The following DMXL1 variants were observed in gnomAD, a reference collection of about 807,000 sequenced individuals.
The protein encoded by DMXL1 is Dmx like 1, also known as dmX-like protein 1.
In DMXL1, 99 loss-of-function variants were observed where a neutral mutation model predicts 319.2. The observed-to-expected ratio is 0.31, with a 90% CI of 0.26 to 0.37. The LOEUF (loss-of-function observed/expected upper bound fraction) is 0.37, where lower values mean the gene tolerates loss of function less well. DMXL1 is among the 10% of genes least tolerant of loss of function. The probability of loss-of-function intolerance (pLI) is 1.00; values close to 1 mark genes in which losing one functional copy is unlikely to be tolerated. For synonymous variants in DMXL1, 1,385 were observed against 1,235.2 expected, an observed-to-expected ratio of 1.12 and a Z score of -2.54; for missense variants, 3,745 against 3,595.6, an observed-to-expected ratio of 1.04 and a Z score of -1.06.
At chr5:119,099,656 T>G (rs149745542) in intron 2 of DMXL1, among the ~76,000 whole-genome samples, 10 of 152,300 alleles carry the variant, frequency 6.6e-5, no homozygotes, top group African/African-American at 2.4e-4. Context: ...TTTAATACTT[T>G]CCAATATGAG....
intron 23 of DMXL1, among the ~76,000 whole-genome samples, chr5:119,169,640 G>T (rs1174941306): frequency 6.6e-6 from 1 of 152,182 alleles, no homozygotes; most frequent in East Asian, 1.9e-4. Flanking sequence ...ATACACATAA[G>T]TAAAAATGAA....
chr5:119,164,717 T>C (rs749200509), intron 20 of DMXL1, 41 bp downstream of exon 20: 1 of 1,524,182 alleles, frequency 6.6e-7, no homozygotes, highest in South Asian at 1.3e-5. Flanking sequence ...TTAATATTTT[T>C]TGGACGTTTC....
rs1763656510 is a variant in DMXL1, at chr5:119,126,700, C to CTGA, written c.1103-2508_1103-2506dup. The CTGA allele has an allele frequency of 2.0e-5, 3 of 153,100 alleles. No homozygotes were observed. The Admixed American group carries it at 2.0e-4, about 10-fold the overall frequency. 9.5% of individuals were successfully genotyped at this position (153,100 alleles called of 1,614,324 possible). On this transcript the variant is annotated intron_variant, in intron 9 of 43. Transcript: ENST00000539542. ...ATTGATTAGACAGATTCATCTAACA[C>CTGA]TGATGTCCAAGCTGGCGTTGGCAAC...
chr5:119,205,713 A>C (rs1237836056), intron 33 of DMXL1, among the ~76,000 whole-genome samples: 1 of 152,084 alleles, frequency 6.6e-6, no homozygotes, highest in East Asian at 1.9e-4. Flanking sequence ...GAGAATATGA[A>C]AAGAAAAATG....
rs191096010 is a variant in DMXL1 at position 119,212,809 on chromosome 5, C to G, written c.7927-4092C>G. ...GGCCTTTAACAAATAAAATTACATT[C>G]ATAGCACATGCAAGTTCTGTCTCTA... On this transcript the variant is annotated intron_variant, in intron 34 of 43. Transcript: ENST00000539542. Among the ~76,000 whole-genome samples the G allele has an allele frequency of 7.2e-5, 11 of 152,146 alleles. No individual in the cohort carries two copies. In the East Asian group the frequency reaches 2.1e-3, roughly 29 times the overall value.
intron 26 of DMXL1, among the ~76,000 whole-genome samples, chr5:119,176,291 T>G (rs1251932291): frequency 6.6e-6 from 1 of 152,030 alleles, no homozygotes; most frequent in African/African-American, 2.4e-5. Flanking sequence ...TTTGTTGAGT[T>G]TGTTATTTCT....
intron 41 of DMXL1, 26 bp downstream of exon 41, chr5:119,239,106 G>A (rs1466205662): frequency 6.2e-7 from 1 of 1,609,668 alleles, no homozygotes; most frequent in South Asian, 1.1e-5. Context: ...TAAAATTGAA[G>A]TATGAGAAAG....
intron 16 of DMXL1, 86 bp from the exon 17 acceptor site, chr5:119,147,163 G>A (rs1044670183): frequency 8.2e-7 from 1 of 1,226,374 alleles, no homozygotes; most frequent in African/African-American, 1.5e-5. Context: ...CTTTTACAAG[G>A]CAGTTTTGGA....
intron 37 of DMXL1, among the ~76,000 whole-genome samples, chr5:119,222,087 C>A (rs939890080): frequency 6.6e-6 from 1 of 152,044 alleles, no homozygotes; most frequent in African/African-American, 2.4e-5. Context: ...AGCAATTGTT[C>A]AAGTAAAATC....
chr5:119,218,490 T>C (rs1306450223), intron 35 of DMXL1, among the ~76,000 whole-genome samples: 1 of 152,196 alleles, frequency 6.6e-6, no homozygotes, highest in African/African-American at 2.4e-5. Context: ...GGAGTCTCGC[T>C]CTGTTGCCCA....
intron 21 of DMXL1, 120 bp downstream of exon 21, chr5:119,165,400 T>G (rs1773208860): frequency 1.7e-6 from 1 of 572,186 alleles, no homozygotes; most frequent in African/African-American, 1.9e-5. Context: ...TTCTTAGTTG[T>G]TTTATATTTA....
At chr5:119,231,137 G>T (rs1403657162) in intron 38 of DMXL1, among the ~76,000 whole-genome samples, 1 of 152,050 alleles carries the variant, frequency 6.6e-6, no homozygotes, top group East Asian at 1.9e-4. Flanking sequence ...CTTTTATTTA[G>T]TGCTTCCTGT....
At position 119,081,660 on chromosome 5, in the gene DMXL1, T is replaced by C. The variant is rs938513569; in HGVS notation, c.87+10004T>C. On this transcript the variant is annotated intron_variant, in intron 1 of 43. Coordinates refer to ENST00000539542, the MANE Select transcript of DMXL1 (RefSeq NM_001290321.3). ...AGATATAGAGCCGCAGAAACAAAGA[T>C]TGAAGACCAACTTAGACTTTACCAA... 3 of 985,256 alleles carry C rather than the reference T, an allele frequency of 3.0e-6. No individual in the cohort carries two copies. The African/African-American group carries it at 5.2e-5, about 17-fold the overall frequency. 61.0% of individuals were successfully genotyped at this position (985,256 alleles called of 1,614,324 possible). A position where few individuals can be genotyped will look rare whatever the true frequency, so the allele number is the denominator to read the frequency against.
chr5:119,248,879 A>G lies in DMXL1; in HGVS notation c.*1660A>G, dbSNP rs1790147605. The G allele has an allele frequency of 6.6e-6, 1 of 152,518 alleles. No individual in the cohort carries two copies. The highest frequency in any genetic ancestry group is 2.4e-5 in the African/African-American group (1 of 41,450). 9.4% of individuals were successfully genotyped at this position (152,518 alleles called of 1,614,324 possible). A position where few individuals can be genotyped will look rare whatever the true frequency, so the allele number is the denominator to read the frequency against. On this transcript the variant is annotated 3_prime_UTR_variant, in exon 44 of 44. Transcript: ENST00000539542. ...GAAATCTGACAGCATTGCAAACAAT[A>G]GTATTGTTTGATGTAGTTAACCTTA... is the stretch of plus-strand genomic sequence containing the variant.
At chr5:119,168,284 G>A (rs1056630155) in intron 23 of DMXL1, among the ~76,000 whole-genome samples, 2 of 152,156 alleles carry the variant, frequency 1.3e-5, no homozygotes, top group African/African-American at 4.8e-5. Flanking sequence ...ATGAACTTTT[G>A]ACTGTCTTGT....
chr5:119,167,544 A>G, intron 22 of DMXL1, 59 bp from the exon 23 acceptor site: 4 of 1,401,284 alleles, frequency 2.9e-6, no homozygotes, highest in Non-Finnish European at 3.9e-6. Flanking sequence ...GAGTTAACAG[A>G]ATTTATCCTA....
chr5:119,071,420 C>T lies in DMXL1; in HGVS notation c.-150C>T. Reference sequence around the variant, plus strand: ...GCTCGGGATGAGTCGCGGGCCCCAGCTGAGCGGCTCCGGCTCCAGGCGCCT... The same window carrying T: ...GCTCGGGATGAGTCGCGGGCCCCAGTTGAGCGGCTCCGGCTCCAGGCGCCT... On this transcript the variant is annotated 5_prime_UTR_variant, in exon 1 of 44. Coordinates refer to ENST00000539542, the MANE Select transcript of DMXL1 (RefSeq NM_001290321.3). 1 of 769,742 alleles carries T rather than the reference C, an allele frequency of 1.3e-6. No homozygotes were observed. The highest frequency in any genetic ancestry group is 2.1e-6 in the Non-Finnish European group (1 of 469,068). The allele number at this position is 769,742 out of a possible 1,614,324, so 47.7% of individuals were successfully genotyped here.
rs1192494384 is a variant in DMXL1 at position 119,178,125 on chromosome 5, C to G, written c.7016C>G (p.Ser2339Ter). 1.9e-6 allele frequency: 3 copies of G among 1,613,944 alleles called. No homozygotes were observed. Among genetic ancestry groups the G allele is most frequent in the Non-Finnish European group, 2.5e-6 (3 of 1,179,870 alleles). Residue 2339 changes from serine to a stop codon, truncating the protein, a stop_gained, in exon 28 of 44, where the codon TCA becomes TGA. Coordinates refer to ENST00000539542, the MANE Select transcript of DMXL1 (RefSeq NM_001290321.3). LOFTEE classifies it high-confidence loss of function. ...SLFIHGLATH[S>*]SNELFRIVAH... ...TTCATCCATGGCCTGGCCACACATT[C>G]AAGTAATGAGCTATTTCGGATTGTG... is the stretch of plus-strand genomic sequence containing the variant.
chr5:119,228,979 A>G (rs911157990), intron 38 of DMXL1, among the ~76,000 whole-genome samples: 1 of 151,984 alleles, frequency 6.6e-6, no homozygotes, highest in African/African-American at 2.4e-5. Flanking sequence ...TTAGGTAATC[A>G]AAGACCTAAA....
Sources: gnomAD v4.1 joint callset for allele counts (sites outside exome capture counted in the v4.1 genomes callset) on GRCh38, gnomAD v4.1.1 for gene constraint, MANE v1.5 for transcripts, NCBI Gene and HGNC (gene_info 2026-07-23, HGNC 2026-07-21) for gene names.